RTN1: variants seen among roughly 807,000 people sequenced by gnomAD.
RTN1 encodes the protein reticulon-1.
In RTN1, 25 loss-of-function variants were observed where a neutral mutation model predicts 65.5. The observed-to-expected ratio is 0.38, with a 90% CI of 0.28 to 0.53. The LOEUF (loss-of-function observed/expected upper bound fraction) is 0.53. Among genes scored for constraint, RTN1 ranks in the 20% least tolerant of loss-of-function variants. The pLI, the probability that RTN1 is intolerant of heterozygous loss-of-function variation, is 0.79. For missense variants in RTN1, 983 were observed against 1,025.4 expected, an observed-to-expected ratio of 0.96 and a Z score of 0.57; for synonymous variants, 471 against 447.6, an observed-to-expected ratio of 1.05 and a Z score of -0.66.
chr14:59,763,762 A>C (rs891486027), intron 1 of RTN1, among the ~76,000 whole-genome samples: 2 of 152,022 alleles, frequency 1.3e-5, no homozygotes, highest in Admixed American at 6.6e-5. Flanking sequence ...CAATCTCCTG[A>C]CCTCGTGATC....
Position 59,651,480 on chromosome 14 carries a change from C to A in RTN1, c.1766-43988G>T, listed in dbSNP as rs542242389. On this transcript the variant is annotated intron_variant, in intron 3 of 8. Coordinates refer to ENST00000267484, the MANE Select transcript of RTN1 (RefSeq NM_021136.3). The stretch of plus-strand genomic sequence containing the variant: ...ACCACTCAAGACATAGGCATGGGGT[C>A]TGTAATTGCAGCACTTTGGGACCGA... 2.6e-5 allele frequency among the ~76,000 whole-genome samples: 4 copies of A among 152,112 alleles called. No homozygotes were observed. The South Asian group carries it at 8.3e-4, about 32-fold the overall frequency.
Position 59,727,840 on chromosome 14 carries a change from A to G in RTN1, c.1016-172T>C. 3.2e-6 allele frequency: 3 copies of G among 944,268 alleles called. No homozygotes were observed. The East Asian group carries it at 8.7e-5, about 28-fold the overall frequency. 58.5% of individuals were successfully genotyped at this position (944,268 alleles called of 1,614,324 possible). ...ATCTGTTTCCAGGGCTATGCTGGAAAGACAGGCCACCTGAACTAAAAGGCT... is the reference window on the plus strand; with the variant it reads ...ATCTGTTTCCAGGGCTATGCTGGAAGGACAGGCCACCTGAACTAAAAGGCT... On this transcript the variant is annotated intron_variant, in intron 2 of 8. Coordinates refer to ENST00000267484, the MANE Select transcript of RTN1 (RefSeq NM_021136.3). The surrounding 1 kb of genome is among the most constrained non-coding windows in gnomAD (Gnocchi z 4.2).
chr14:59,718,965 C>T (rs1385732226), intron 3 of RTN1, among the ~76,000 whole-genome samples: 1 of 152,190 alleles, frequency 6.6e-6, no homozygotes, highest in East Asian at 1.9e-4. Flanking sequence ...TCCAATGCTA[C>T]CACCTCTCCA....
At chr14:59,643,203 G>A (rs1040435344) in intron 3 of RTN1, among the ~76,000 whole-genome samples, 1 of 152,120 alleles carries the variant, frequency 6.6e-6, no homozygotes, top group African/African-American at 2.4e-5. Flanking sequence ...GAGACAAGAA[G>A]TTTGAGATCA....
chr14:59,823,746 G>A (rs1886983398), intron 1 of RTN1, among the ~76,000 whole-genome samples: 1 of 152,144 alleles, frequency 6.6e-6, no homozygotes, highest in Non-Finnish European at 1.5e-5. Context: ...ATGACTGTGT[G>A]TCTTGGGGAT....
At chr14:59,630,455 T>C in intron 3 of RTN1, 1 of 1,613,728 alleles carries the variant, frequency 6.2e-7, no homozygotes, top group Non-Finnish European at 8.5e-7. Context: ...CCCTGACTTT[T>C]CCAGTTGCTC....
At chr14:59,772,773 C>T (rs1403615024) in intron 1 of RTN1, among the ~76,000 whole-genome samples, 4 of 151,696 alleles carry the variant, frequency 2.6e-5, no homozygotes, top group Admixed American at 2.6e-4. Context: ...CTTTAGGCAA[C>T]CCATTAATAA....
In RTN1 at chr14:59,727,587, A is replaced by G. The variant is rs1884806173; in HGVS notation, c.1097T>C (p.Leu366Ser). The part of the protein sequence containing the change: ...LITAIKEAKG[L>S]SYETAENPRP... ...TGGGTTCTCGGCGGTTTCATACGAT[A>G]ATCCCTTTGCTTCTTTGATGGCGGT... Residue 366 changes from leucine (L) to serine (S), a missense_variant, in exon 3 of 9, where the codon TTA (leucine) becomes TCA (serine). Leu to Ser is a moderately radical substitution (Grantham distance 145). Around this residue, in one of 2 missense-constraint regions of RTN1, gnomAD observed 818 missense variants for 801.8 expected, o/e 1.02. Coordinates refer to ENST00000267484, the MANE Select transcript of RTN1 (RefSeq NM_021136.3). This position sits in a 1 kb window ranked among gnomAD's most constrained non-coding sequence, Gnocchi z 4.2. The G allele has an allele frequency of 6.2e-7, 1 of 1,612,572 alleles. No individual in the cohort carries two copies. The highest frequency in any genetic ancestry group is 1.1e-5 in the South Asian group (1 of 90,838).
intron 1 of RTN1, among the ~76,000 whole-genome samples, chr14:59,801,140 C>A (rs1408844294): frequency 1.3e-5 from 2 of 152,124 alleles, no homozygotes; most frequent in African/African-American, 4.8e-5. Context: ...TAATTAGAAT[C>A]TCAGAAATAC....
intron 3 of RTN1, among the ~76,000 whole-genome samples, chr14:59,692,189 C>T (rs1452338163): frequency 6.6e-6 from 1 of 152,192 alleles, no homozygotes; most frequent in African/African-American, 2.4e-5. Flanking sequence ...ACCCTAAAGA[C>T]TCTGCCAAAA....
Position 59,868,488 on chromosome 14 carries a change from C to G in RTN1, c.241+1902G>C, listed in dbSNP as rs1387420000. ...ATGCAAAATGCATTGTTATTTACTA[C>G]AGCCACCTTTCTGTAACAATGCACT... On this transcript the variant is annotated intron_variant, in intron 1 of 8. Transcript: ENST00000267484. This position sits in a 1 kb window ranked among gnomAD's most constrained non-coding sequence, Gnocchi z 4.0. Among the ~76,000 whole-genome samples, 1 of 152,138 alleles carries G rather than the reference C, an allele frequency of 6.6e-6. No individual in the cohort carries two copies. Among genetic ancestry groups the G allele is most frequent in the African/African-American group, 2.4e-5 (1 of 41,418 alleles).
intron 3 of RTN1, among the ~76,000 whole-genome samples, chr14:59,656,291 C>A (rs1249965890): frequency 2.0e-5 from 3 of 152,128 alleles, no homozygotes; most frequent in Non-Finnish European, 2.9e-5. Context: ...AATCACATAA[C>A]TGCATAACTT....
chr14:59,809,694 G>A (rs78661301), intron 1 of RTN1, among the ~76,000 whole-genome samples: 1,840 of 152,186 alleles, frequency 0.012, 34 homozygotes, highest in African/African-American at 0.041. Flanking sequence ...AAGGCATTTG[G>A]AAGTCTAGTC....
Position 59,745,744 on chromosome 14 carries a change from T to G in RTN1, c.979A>C (p.Ser327Arg). The G allele has an allele frequency of 6.2e-7, 1 of 1,613,504 alleles. No homozygotes were observed. Among genetic ancestry groups the G allele is most frequent in the Non-Finnish European group, 8.5e-7 (1 of 1,179,748 alleles). The stretch of plus-strand genomic sequence containing the variant: ...GATGGAGGGGTGATAGATCCTGGGC[T>G]GTCGTCTTCAGGCTCCGAGACAGTG... ...TVTVSEPEDD[S>R]PGSITPPSSG... The change falls in exon 2 of 9, where the codon AGC becomes CGC. Residue 327 changes from serine to arginine, a missense_variant. Transcript: ENST00000267484.
intron 3 of RTN1, among the ~76,000 whole-genome samples, chr14:59,689,188 A>T (rs1489758592): frequency 1.3e-5 from 2 of 152,142 alleles, no homozygotes; most frequent in Non-Finnish European, 2.9e-5. Flanking sequence ...TCATCAATAG[A>T]CCAGACCAAG....
At chr14:59,735,825 A>T (rs541971129) in intron 2 of RTN1, among the ~76,000 whole-genome samples, 41 of 151,978 alleles carry the variant, frequency 2.7e-4, no homozygotes, top group African/African-American at 8.9e-4. Flanking sequence ...ATTAGACATG[A>T]AATAATAACA....
chr14:59,701,778 T>G (rs1001612998), intron 3 of RTN1, among the ~76,000 whole-genome samples: 10 of 152,198 alleles, frequency 6.6e-5, no homozygotes, highest in Admixed American at 3.9e-4. Flanking sequence ...GTTGCACAAC[T>G]CTGTGAAGGT....
At chr14:59,812,377 C>T (rs1886745243) in intron 1 of RTN1, among the ~76,000 whole-genome samples, 1 of 152,042 alleles carries the variant, frequency 6.6e-6, no homozygotes. Context: ...TTAAGAAATA[C>T]ATAAATATAT....
chr14:59,620,194 T>C (rs899949690), intron 3 of RTN1, among the ~76,000 whole-genome samples: 2 of 152,136 alleles, frequency 1.3e-5, no homozygotes, highest in Admixed American at 6.5e-5. Context: ...GAAGTTACAG[T>C]TGTGGCCACA....
Sources: gnomAD v4.1 joint callset for allele counts (sites outside exome capture counted in the v4.1 genomes callset) on GRCh38, gnomAD v4.1.1 for gene constraint, gnomAD v4.1.1 regional missense constraint, Gnocchi (gnomAD v3.1) non-coding constraint, MANE v1.5 for transcripts, NCBI Gene and HGNC (gene_info 2026-07-23, HGNC 2026-07-21) for gene names.